Variants in TBC1D1 observed in about 807,000 individuals in gnomAD.
The protein encoded by TBC1D1 is TBC1 (tre-2/USP6, BUB2, cdc16) domain family, member 1.
TBC1D1 carries 89 observed loss-of-function variants against 125.6 expected under a neutral mutation model. The ratio of observed to expected loss-of-function variants is 0.71; its 90% confidence interval spans 0.60 to 0.85. TBC1D1 has a LOEUF of 0.85. Among genes scored for constraint, TBC1D1 ranks in the 40% least tolerant of loss-of-function variants. The probability of loss-of-function intolerance (pLI) is 0.00; values close to 1 mark genes in which losing one functional copy is unlikely to be tolerated. For missense variants in TBC1D1, 1,377 were observed against 1,469.2 expected, an observed-to-expected ratio of 0.94 and a Z score of 1.03; for synonymous variants, 565 against 564.1, an observed-to-expected ratio of 1.00 and a Z score of -0.02.
intron 2 of TBC1D1, among the ~76,000 whole-genome samples, chr4:37,926,956 A>T (rs1436444194): frequency 6.6e-6 from 1 of 152,078 alleles, no homozygotes; most frequent in Non-Finnish European, 1.5e-5. Flanking sequence ...ATCTCTACTA[A>T]AAATACAAAA....
intron 12 of TBC1D1, among the ~76,000 whole-genome samples, chr4:38,080,935 G>A: frequency 6.6e-6 from 1 of 152,316 alleles, no homozygotes; most frequent in East Asian, 1.9e-4. Flanking sequence ...GGTTTTATAT[G>A]TAGAAAGTTA....
At chr4:37,971,183 G>A (rs1462301068) in intron 2 of TBC1D1, among the ~76,000 whole-genome samples, 1 of 152,188 alleles carries the variant, frequency 6.6e-6, no homozygotes, top group African/African-American at 2.4e-5. Context: ...CTGAGATGGT[G>A]AGACATTAAA....
chr4:38,137,631 C>T lies in TBC1D1; in HGVS notation c.*296C>T, dbSNP rs1766864435. 1 of 327,390 alleles carries T rather than the reference C, an allele frequency of 3.1e-6. No individual in the cohort carries two copies. The highest frequency in any genetic ancestry group is 2.1e-5 in the African/African-American group (1 of 47,226). The allele number at this position is 327,390 out of a possible 1,614,324, so 20.3% of individuals were successfully genotyped here. On this transcript the variant is annotated 3_prime_UTR_variant, in exon 20 of 20. Coordinates refer to ENST00000261439, the MANE Select transcript of TBC1D1 (RefSeq NM_015173.4). Reference sequence around the variant, plus strand: ...GCAACTTATGTTTTCTTGTTGGTTCCTTTTTGAGTGTCACTGTGTTTGTAA... The same window carrying T: ...GCAACTTATGTTTTCTTGTTGGTTCTTTTTTGAGTGTCACTGTGTTTGTAA...
intron 12 of TBC1D1, among the ~76,000 whole-genome samples, chr4:38,078,208 G>A (rs148849924): frequency 3.3e-5 from 5 of 152,218 alleles, no homozygotes; most frequent in South Asian, 2.1e-4. Flanking sequence ...CTTCCCTCCC[G>A]CTTCAAAAAA....
chr4:37,984,751 G>A (rs1443351114), intron 2 of TBC1D1, among the ~76,000 whole-genome samples: 1 of 151,442 alleles, frequency 6.6e-6, no homozygotes, highest in Non-Finnish European at 1.5e-5. Flanking sequence ...GCTGAGGCAC[G>A]AGAATTCCTT....
chr4:38,002,034 G>A (rs1739185566), intron 2 of TBC1D1, among the ~76,000 whole-genome samples: 1 of 152,126 alleles, frequency 6.6e-6, no homozygotes, highest in Non-Finnish European at 1.5e-5. Context: ...TCTGTGGCAC[G>A]AAAAGTTTAA....
chr4:38,024,461 T>A (rs1344939510), intron 6 of TBC1D1, among the ~76,000 whole-genome samples: 2 of 152,198 alleles, frequency 1.3e-5, no homozygotes, highest in Non-Finnish European at 1.5e-5. Context: ...CTGAAAAGTT[T>A]GATCAGGGTA....
chr4:38,114,042 TACACAC>T (rs60869418), intron 15 of TBC1D1, among the ~76,000 whole-genome samples: 1 of 144,044 alleles, frequency 6.9e-6, no homozygotes, highest in Non-Finnish European at 1.6e-5. Context: ...CCCATTGTTC[TACACAC>T]ACACACACAC....
At chr4:38,051,048 C>G (rs1750435562) in intron 11 of TBC1D1, among the ~76,000 whole-genome samples, 1 of 152,214 alleles carries the variant, frequency 6.6e-6, no homozygotes, top group Non-Finnish European at 1.5e-5. Context: ...TGCTGCCTCA[C>G]CACTGCCTGC....
intron 14 of TBC1D1, among the ~76,000 whole-genome samples, chr4:38,096,689 G>C (rs1444313195): frequency 6.6e-6 from 1 of 152,174 alleles, no homozygotes; most frequent in Non-Finnish European, 1.5e-5. Context: ...ACTGTTACTG[G>C]TCCAAGAAGA....
chr4:37,933,900 T>C (rs1426918460), intron 2 of TBC1D1, among the ~76,000 whole-genome samples: 3 of 152,208 alleles, frequency 2.0e-5, no homozygotes, highest in Non-Finnish European at 4.4e-5. Flanking sequence ...AAGCAGAGCG[T>C]CAGTCTCATT....
At chr4:37,930,825 A>G (rs1203426306) in intron 2 of TBC1D1, among the ~76,000 whole-genome samples, 1 of 152,248 alleles carries the variant, frequency 6.6e-6, no homozygotes, top group Non-Finnish European at 1.5e-5. Context: ...ATATATTAAG[A>G]TAACACATAC....
intron 12 of TBC1D1, among the ~76,000 whole-genome samples, chr4:38,056,402 C>G (rs1414235164): frequency 6.6e-6 from 1 of 152,240 alleles, no homozygotes; most frequent in African/African-American, 2.4e-5. Context: ...TGCCACTGCT[C>G]TGTTAATGCA....
At chr4:38,114,800 T>C (rs1047305302) in intron 15 of TBC1D1, among the ~76,000 whole-genome samples, 1 of 152,120 alleles carries the variant, frequency 6.6e-6, no homozygotes, top group Non-Finnish European at 1.5e-5. Context: ...TAAACTCTTT[T>C]TGGAAGGTAA....
chr4:38,094,575 T>TA (rs1758999059), intron 13 of TBC1D1, among the ~76,000 whole-genome samples: 2 of 152,334 alleles, frequency 1.3e-5, no homozygotes, highest in South Asian at 4.1e-4. Context: ...GCAGTGTTGT[T>TA]AGGATACGGA....
chr4:38,107,846 T>A (rs999505381), intron 15 of TBC1D1, among the ~76,000 whole-genome samples: 1 of 152,118 alleles, frequency 6.6e-6, no homozygotes, highest in African/African-American at 2.4e-5. Flanking sequence ...CTCCTCAGTC[T>A]CCATACCACA....
intron 14 of TBC1D1, among the ~76,000 whole-genome samples, chr4:38,099,682 C>T (rs1476704449): frequency 6.6e-6 from 1 of 152,152 alleles, no homozygotes; most frequent in Non-Finnish European, 1.5e-5. Context: ...GAGGAATGGC[C>T]TCCTGCCCTC....
chr4:37,959,455 G>GGAGGAA (rs1729553501), intron 2 of TBC1D1, among the ~76,000 whole-genome samples: 1 of 152,180 alleles, frequency 6.6e-6, no homozygotes, highest in South Asian at 2.1e-4. Context: ...CTGAGGAGGA[G>GGAGGAA]GAGGAAGAGG....
At chr4:38,032,103 G>A (rs1241493109) in intron 7 of TBC1D1, among the ~76,000 whole-genome samples, 8 of 152,182 alleles carry the variant, frequency 5.3e-5, no homozygotes, top group South Asian at 2.1e-4. Context: ...CGGATCACCC[G>A]AGGTCAGGAG....
Sources: allele counts gnomAD v4.1 joint callset (sites outside exome capture counted in the v4.1 genomes callset), GRCh38; gene constraint gnomAD v4.1.1; transcripts MANE v1.5; gene names NCBI Gene and HGNC (gene_info 2026-07-23, HGNC 2026-07-21).